Variants in CLVS1 observed in about 807,000 individuals in gnomAD.
The protein encoded by CLVS1 is clavesin-1.
Under a neutral mutation model 33.1 loss-of-function variants are expected in CLVS1, and 10 were observed. That is an observed-to-expected ratio of 0.30 (90% CI 0.19 to 0.51). The LOEUF (loss-of-function observed/expected upper bound fraction) is 0.51. Ranked by LOEUF, CLVS1 falls within the 20% of genes least tolerant of loss-of-function variation. The pLI, the probability that CLVS1 is intolerant of heterozygous loss-of-function variation, is 0.97. For missense variants in CLVS1, 343 were observed against 433.4 expected (o/e 0.79, Z 1.85); for synonymous variants, 163 against 166.1 (o/e 0.98, Z 0.14).
intron 2 of CLVS1, among the ~76,000 whole-genome samples, chr8:61,159,051 T>C (rs1806702906): frequency 6.6e-6 from 1 of 152,154 alleles, no homozygotes; most frequent in Non-Finnish European, 1.5e-5. Flanking sequence ...ACTTTTTTTT[T>C]GGTAGAGATG....
At chr8:61,015,646 C>T in the CLVS1 span, among the ~76,000 whole-genome samples, 1 of 152,320 alleles carries the variant, frequency 6.6e-6, no homozygotes, top group South Asian at 2.1e-4. Context: ...AAAAGTGAGT[C>T]AAATTGAGAA....
chr8:61,290,548 T>C (rs1342293936), intron 1 of CLVS1, among the ~76,000 whole-genome samples: 1 of 152,118 alleles, frequency 6.6e-6, no homozygotes, highest in Non-Finnish European at 1.5e-5. Flanking sequence ...AAAGGCAAAA[T>C]CTTGAACTTT....
intron 1 of CLVS1, among the ~76,000 whole-genome samples, chr8:61,098,702 G>A (rs1396048789): frequency 6.6e-6 from 1 of 152,056 alleles, no homozygotes; most frequent in African/African-American, 2.4e-5. Context: ...AACTTCCTTA[G>A]GGTTGTATGA....
intron 5 of CLVS1, among the ~76,000 whole-genome samples, chr8:61,467,590 A>C (rs1817591634): frequency 6.6e-6 from 1 of 152,120 alleles, no homozygotes; most frequent in Non-Finnish European, 1.5e-5. Context: ...TATTATAGGA[A>C]GGGGCAGTGG....
intron 1 of CLVS1, among the ~76,000 whole-genome samples, chr8:61,090,058 T>A (rs1296180171): frequency 6.6e-6 from 1 of 152,208 alleles, no homozygotes; most frequent in Admixed American, 6.5e-5. Context: ...CCCCCTCCTT[T>A]CTTTGATTAT....
chr8:60,989,526 G>A, the CLVS1 span, among the ~76,000 whole-genome samples: 1 of 152,106 alleles, frequency 6.6e-6, no homozygotes, highest in Non-Finnish European at 1.5e-5. Flanking sequence ...AACATTTCTT[G>A]AATTGGCCCA....
At chr8:61,436,969 G>C (rs956281703) in intron 3 of CLVS1, among the ~76,000 whole-genome samples, 3 of 152,190 alleles carry the variant, frequency 2.0e-5, no homozygotes, top group East Asian at 1.9e-4. Flanking sequence ...TTCACAAGGG[G>C]AAGGGAAGTA....
intron 1 of CLVS1, among the ~76,000 whole-genome samples, chr8:61,081,585 G>T (rs1002941120): frequency 6.6e-6 from 1 of 152,138 alleles, no homozygotes; most frequent in Non-Finnish European, 1.5e-5. Flanking sequence ...AAAATAAATT[G>T]TATCCTGGTC....
At chr8:61,006,465 G>A in the CLVS1 span, among the ~76,000 whole-genome samples, 1 of 152,116 alleles carries the variant, frequency 6.6e-6, no homozygotes, top group Admixed American at 6.5e-5. Context: ...AGCAGTCAGC[G>A]GCCACTCACC....
chr8:61,070,141 C>T (rs768310640), intron 1 of CLVS1, among the ~76,000 whole-genome samples: 66 of 152,258 alleles, frequency 4.3e-4, no homozygotes, highest in African/African-American at 5.5e-4. Flanking sequence ...TTGGCTGCCT[C>T]GTGTTCTGCC....
the CLVS1 span, among the ~76,000 whole-genome samples, chr8:60,974,350 C>T: frequency 2.6e-5 from 4 of 152,224 alleles, no homozygotes; most frequent in African/African-American, 9.6e-5. Flanking sequence ...CATCCTCTTC[C>T]ATTTCAAGTT....
At chr8:61,473,314 T>C (rs1403600494) in intron 5 of CLVS1, among the ~76,000 whole-genome samples, 2 of 130,612 alleles carry the variant, frequency 1.5e-5, no homozygotes, top group Non-Finnish European at 1.6e-5. Flanking sequence ...TGTCCTACAA[T>C]TGATGACATC....
intron 3 of CLVS1, among the ~76,000 whole-genome samples, chr8:61,405,959 A>G (rs1407193122): frequency 1.3e-5 from 2 of 152,150 alleles, no homozygotes; most frequent in African/African-American, 4.8e-5. Flanking sequence ...GCATATACTA[A>G]TTTTTGTGTA....
chr8:61,062,428 G>T (rs1484884319), intron 1 of CLVS1, among the ~76,000 whole-genome samples: 1 of 152,162 alleles, frequency 6.6e-6, no homozygotes, highest in Admixed American at 6.5e-5. Flanking sequence ...ATGTAACTAC[G>T]TCAGTATAGA....
Position 61,499,569 on chromosome 8 carries a change from A to C in CLVS1, c.*27A>C. 6.3e-7 allele frequency: 1 copy of C among 1,578,436 alleles called. No individual in the cohort carries two copies. The highest frequency in any genetic ancestry group is 8.7e-7 in the Non-Finnish European group (1 of 1,147,864). On this transcript the variant is annotated 3_prime_UTR_variant, in exon 6 of 6. Coordinates refer to ENST00000325897, the MANE Select transcript of CLVS1 (RefSeq NM_173519.3). ...CCCTGAGTCACCCCAATGCTCCTGC[A>C]CACTGGCCTTCAGTGGTATCAGCCA...
intron 2 of CLVS1, among the ~76,000 whole-genome samples, chr8:61,188,070 T>C (rs951560513): frequency 2.0e-5 from 3 of 152,100 alleles, no homozygotes; most frequent in Non-Finnish European, 4.4e-5. Context: ...CTTTATGAGA[T>C]GTGAGGACAG....
intron 3 of CLVS1, among the ~76,000 whole-genome samples, chr8:61,431,591 A>G (rs1022090020): frequency 6.6e-6 from 1 of 152,128 alleles, no homozygotes; most frequent in African/African-American, 2.4e-5. Flanking sequence ...TTCATTTTCC[A>G]GGGTAGCGTG....
chr8:61,416,223 A>G (rs528101442), intron 3 of CLVS1, among the ~76,000 whole-genome samples: 49 of 152,246 alleles, frequency 3.2e-4, no homozygotes, highest in African/African-American at 1.0e-3. Flanking sequence ...ATATTTTTCT[A>G]TTACCATTTT....
At chr8:61,067,029 G>T (rs147726598) in intron 1 of CLVS1, among the ~76,000 whole-genome samples, 3 of 152,112 alleles carry the variant, frequency 2.0e-5, no homozygotes, top group Non-Finnish European at 4.4e-5. Context: ...CATAAATGGG[G>T]GGGGAGGGCA....
Sources: allele counts gnomAD v4.1 joint callset (sites outside exome capture counted in the v4.1 genomes callset), GRCh38; gene constraint gnomAD v4.1.1; transcripts MANE v1.5; gene names NCBI Gene and HGNC (gene_info 2026-07-23, HGNC 2026-07-21).